NRXN1: variants seen among roughly 807,000 people sequenced by gnomAD.
NRXN1 encodes neurexin 1, also known as neurexin-1.
In NRXN1, 39 loss-of-function variants were observed where a neutral mutation model predicts 150.9. The observed-to-expected ratio is 0.26, with a 90% CI of 0.20 to 0.34. The LOEUF (loss-of-function observed/expected upper bound fraction) is 0.34. Ranked by LOEUF, NRXN1 falls within the 10% of genes least tolerant of loss-of-function variation. NRXN1 has a pLI of 1.00. For synonymous variants in NRXN1, 924 were observed against 757.0 expected, an observed-to-expected ratio of 1.22 and a Z score of -3.62; for missense variants, 1,815 against 1,949.9, an observed-to-expected ratio of 0.93 and a Z score of 1.30.
intron 17 of NRXN1, among the ~76,000 whole-genome samples, chr2:50,423,426 T>C (rs2084157791): frequency 6.6e-6 from 1 of 152,146 alleles, no homozygotes; most frequent in Non-Finnish European, 1.5e-5. Flanking sequence ...TTCAATGCTG[T>C]TTGGCTTTGT....
intron 5 of NRXN1, among the ~76,000 whole-genome samples, chr2:50,852,401 C>A (rs1674647692): frequency 1.3e-5 from 2 of 152,000 alleles, no homozygotes; most frequent in Admixed American, 6.6e-5. Flanking sequence ...ATTTCATTTT[C>A]TTTTGTTGTT....
intron 5 of NRXN1, among the ~76,000 whole-genome samples, chr2:50,647,568 T>TA (rs1409083406): frequency 3.3e-5 from 5 of 151,948 alleles, no homozygotes; most frequent in Non-Finnish European, 7.4e-5. Flanking sequence ...AAGTAGCGCA[T>TA]ACTATGGGGA....
intron 5 of NRXN1, among the ~76,000 whole-genome samples, chr2:50,884,030 G>A (rs1368715695): frequency 6.6e-6 from 1 of 151,708 alleles, no homozygotes; most frequent in East Asian, 1.9e-4. Context: ...TCATTTATCT[G>A]TATTCTTAGT....
chr2:50,573,818 T>C (rs551343787), intron 8 of NRXN1, among the ~76,000 whole-genome samples: 3 of 152,030 alleles, frequency 2.0e-5, no homozygotes, highest in Non-Finnish European at 2.9e-5. Context: ...ACTATTTACA[T>C]GGTATTTACA....
At chr2:50,842,649 A>G (rs985605464) in intron 5 of NRXN1, among the ~76,000 whole-genome samples, 26 of 152,208 alleles carry the variant, frequency 1.7e-4, no homozygotes, top group Non-Finnish European at 3.4e-4. Context: ...TTTGTCTGTG[A>G]GTAATAAATT....
At chr2:50,760,736 A>G (rs1171532467) in intron 5 of NRXN1, among the ~76,000 whole-genome samples, 1 of 151,898 alleles carries the variant, frequency 6.6e-6, no homozygotes, top group African/African-American at 2.4e-5. Context: ...GTGATTTTCA[A>G]TTGTGTGTAT....
intron 18 of NRXN1, among the ~76,000 whole-genome samples, chr2:50,141,892 T>C (rs1336323430): frequency 6.6e-6 from 1 of 151,946 alleles, no homozygotes; most frequent in Non-Finnish European, 1.5e-5. Context: ...AAACAATACG[T>C]AGATTTCTCA....
chr2:50,135,644 T>C (rs1490336652), intron 18 of NRXN1, among the ~76,000 whole-genome samples: 1 of 151,984 alleles, frequency 6.6e-6, no homozygotes, highest in African/African-American at 2.4e-5. Flanking sequence ...TGAGCTGAGA[T>C]TGCACCATTG....
intron 21 of NRXN1, among the ~76,000 whole-genome samples, chr2:49,994,061 T>C (rs1682496721): frequency 2.6e-5 from 4 of 152,182 alleles, no homozygotes. Context: ...AATAAACCAC[T>C]GCTTCAGAAT....
intron 17 of NRXN1, among the ~76,000 whole-genome samples, chr2:50,328,685 G>A (rs1431171242): frequency 3.9e-5 from 6 of 152,146 alleles, no homozygotes; most frequent in African/African-American, 1.2e-4. Context: ...GCAGTGAGCC[G>A]AGATCGTGTC....
intron 21 of NRXN1, among the ~76,000 whole-genome samples, chr2:49,954,124 C>T (rs1335461383): frequency 6.6e-6 from 1 of 152,114 alleles, no homozygotes; most frequent in African/African-American, 2.4e-5. Context: ...TGTCCATTTA[C>T]CTGAATACAT....
intron 18 of NRXN1, among the ~76,000 whole-genome samples, chr2:50,097,408 T>C (rs979897203): frequency 6.6e-5 from 10 of 152,108 alleles, no homozygotes; most frequent in African/African-American, 2.4e-4. Flanking sequence ...ACAGAAAGAC[T>C]CCCATAGTCC....
chr2:50,381,134 G>C (rs1267301302), intron 17 of NRXN1, among the ~76,000 whole-genome samples: 1 of 152,044 alleles, frequency 6.6e-6, no homozygotes, highest in Non-Finnish European at 1.5e-5. Context: ...ATGAATGAAT[G>C]GAACATGGAT....
At chr2:50,240,761 C>T (rs540876960) in intron 17 of NRXN1, among the ~76,000 whole-genome samples, 1 of 151,764 alleles carries the variant, frequency 6.6e-6, no homozygotes, top group African/African-American at 2.4e-5. Context: ...GATAGCAACA[C>T]TATCTTATAG....
intron 5 of NRXN1, among the ~76,000 whole-genome samples, chr2:50,832,956 T>C (rs1671621856): frequency 6.6e-6 from 1 of 152,144 alleles, no homozygotes; most frequent in Non-Finnish European, 1.5e-5. Flanking sequence ...TATAAGGAAT[T>C]CTCAAATGTC....
At chr2:50,261,850 G>T (rs1001945743) in intron 17 of NRXN1, among the ~76,000 whole-genome samples, 1 of 151,818 alleles carries the variant, frequency 6.6e-6, no homozygotes, top group Non-Finnish European at 1.5e-5. Context: ...TCTCAACCTT[G>T]AATCAGGAAA....
intron 5 of NRXN1, among the ~76,000 whole-genome samples, chr2:50,826,475 A>C (rs909140290): frequency 1.3e-5 from 2 of 152,136 alleles, no homozygotes; most frequent in Non-Finnish European, 2.9e-5. Flanking sequence ...TATTCTAGCC[A>C]TCTTGCTACT....
intron 8 of NRXN1, among the ~76,000 whole-genome samples, chr2:50,586,063 C>T (rs1189716077): frequency 2.0e-5 from 3 of 152,170 alleles, no homozygotes; most frequent in Non-Finnish European, 2.9e-5. Context: ...CAAATTGACT[C>T]CCACTCTTAC....
At chr2:50,259,690 C>G (rs963568536) in intron 17 of NRXN1, among the ~76,000 whole-genome samples, 1 of 151,796 alleles carries the variant, frequency 6.6e-6, no homozygotes, top group African/African-American at 2.4e-5. Context: ...TTCCATGAAA[C>G]ACACATGAAT....
Sources: gnomAD v4.1 joint callset for allele counts (sites outside exome capture counted in the v4.1 genomes callset) on GRCh38, gnomAD v4.1.1 for gene constraint, MANE v1.5 for transcripts, NCBI Gene and HGNC (gene_info 2026-07-23, HGNC 2026-07-21) for gene names.